Variants in PHF21B observed in about 807,000 individuals in gnomAD.
PHF21B encodes PHD finger protein 21B.
Under a neutral mutation model 62.2 loss-of-function variants are expected in PHF21B, and 22 were observed. That is an observed-to-expected ratio of 0.35 (90% CI 0.25 to 0.51). PHF21B has a LOEUF of 0.51. PHF21B is among the 20% of genes least tolerant of loss of function. The pLI, the probability that PHF21B is intolerant of heterozygous loss-of-function variation, is 0.97. For missense variants in PHF21B, 701 were observed against 707.9 expected (o/e 0.99, Z 0.11); for synonymous variants, 341 against 314.7 (o/e 1.08, Z -0.88).
chr22:44,944,748 C>T (rs1270553141), intron 2 of PHF21B, among the ~76,000 whole-genome samples: 1 of 152,222 alleles, frequency 6.6e-6, no homozygotes. Flanking sequence ...AACAAGCTGA[C>T]CGAGCTCCTG....
intron 2 of PHF21B, among the ~76,000 whole-genome samples, chr22:44,994,434 A>AG (rs2073088404): frequency 6.6e-6 from 1 of 152,344 alleles, no homozygotes; most frequent in African/African-American, 2.4e-5. Flanking sequence ...AGAAGCCGCC[A>AG]GGGGCTGGCA....
At chr22:44,951,761 G>A (rs998515305) in intron 2 of PHF21B, among the ~76,000 whole-genome samples, 1 of 152,020 alleles carries the variant, frequency 6.6e-6, no homozygotes, top group Admixed American at 6.6e-5. Context: ...TTTTTTTGGT[G>A]AGTCAGGCAC....
Position 44,962,623 on chromosome 22 carries a change from C to A in PHF21B, c.121-42133G>T, listed in dbSNP as rs149602585. ...AGTGAAACCATCATCAGTCAGGGAC[C>A]ATCTGTACACCACACATCCTACTGG... On this transcript the variant is annotated intron_variant, in intron 2 of 12. Coordinates refer to ENST00000313237, the MANE Select transcript of PHF21B (RefSeq NM_138415.5). Among the ~76,000 whole-genome samples the A allele has an allele frequency of 6.7e-3, 1,014 of 152,318 alleles. 18 individuals are homozygous for A. The highest frequency in any genetic ancestry group is 0.023 in the African/African-American group (951 of 41,568).
At chr22:44,975,759 T>C (rs1261397755) in intron 2 of PHF21B, among the ~76,000 whole-genome samples, 1 of 152,250 alleles carries the variant, frequency 6.6e-6, no homozygotes, top group African/African-American at 2.4e-5. Flanking sequence ...AGCAGGGCTC[T>C]TGGGGCCAGC....
chr22:44,927,829 C>T (rs747604381), intron 2 of PHF21B, among the ~76,000 whole-genome samples: 20 of 152,234 alleles, frequency 1.3e-4, no homozygotes, highest in Non-Finnish European at 2.5e-4. Flanking sequence ...AGTTTACAGC[C>T]GCACTTACTT....
At chr22:44,914,407 G>C (rs935034131) in intron 4 of PHF21B, among the ~76,000 whole-genome samples, 2 of 152,230 alleles carry the variant, frequency 1.3e-5, no homozygotes, top group Non-Finnish European at 2.9e-5. Flanking sequence ...CTGAGAGTCA[G>C]GTTGGTCATC....
chr22:45,005,863 C>A (rs185299708), intron 2 of PHF21B, among the ~76,000 whole-genome samples: 133 of 152,298 alleles, frequency 8.7e-4, no homozygotes, highest in Non-Finnish European at 1.7e-3. Flanking sequence ...AATAAACAAA[C>A]TGTGACACAC....
chr22:44,921,143 C>T (rs569269591), intron 2 of PHF21B, among the ~76,000 whole-genome samples: 2 of 152,294 alleles, frequency 1.3e-5, no homozygotes, highest in East Asian at 3.9e-4. Flanking sequence ...CCCCCAAATC[C>T]CAGCCCCCCA....
intron 2 of PHF21B, among the ~76,000 whole-genome samples, chr22:44,951,271 A>AT (rs2072188740): frequency 1.3e-5 from 2 of 152,170 alleles, no homozygotes; most frequent in African/African-American, 4.8e-5. Context: ...TTAGATTCTC[A>AT]TAAGGAGTGC....
At chr22:44,893,314 T>C in intron 7 of PHF21B, 143 bp downstream of exon 7, 3 of 676,892 alleles carry the variant, frequency 4.4e-6, no homozygotes, top group Non-Finnish European at 7.4e-6. Flanking sequence ...TGATTTACGG[T>C]CACCCCCCAG....
chr22:44,954,854 G>A (rs753325900), intron 2 of PHF21B, among the ~76,000 whole-genome samples: 8 of 152,188 alleles, frequency 5.3e-5, no homozygotes, highest in Admixed American at 6.5e-5. Context: ...CTCCGAAGTC[G>A]GGCTTTGAAG....
chr22:44,907,456 G>A (rs554444384), intron 5 of PHF21B, among the ~76,000 whole-genome samples: 68 of 152,348 alleles, frequency 4.5e-4, no homozygotes, highest in African/African-American at 1.5e-3. Context: ...TCAGCGTCCC[G>A]CACGTGCCTG....
chr22:45,000,708 C>T (rs1390091546), intron 2 of PHF21B: 1 of 152,068 alleles, frequency 6.6e-6, no homozygotes, highest in Non-Finnish European at 1.5e-5. Flanking sequence ...GCATAGTGGT[C>T]GTCAACCTTT....
chr22:44,989,954 T>A (rs2073017057), intron 2 of PHF21B, among the ~76,000 whole-genome samples: 1 of 152,138 alleles, frequency 6.6e-6, no homozygotes, highest in Admixed American at 6.6e-5. Context: ...CCAATGCAAA[T>A]CTCTAACAGG....
intron 5 of PHF21B, among the ~76,000 whole-genome samples, chr22:44,903,297 T>G (rs1202471101): frequency 1.3e-5 from 2 of 151,764 alleles, no homozygotes; most frequent in Non-Finnish European, 2.9e-5. Context: ...TGCCACTGAC[T>G]TTTTCTGCAG....
At chr22:44,958,693 C>T (rs1173001513) in intron 2 of PHF21B, among the ~76,000 whole-genome samples, 1 of 151,070 alleles carries the variant, frequency 6.6e-6, no homozygotes, top group Non-Finnish European at 1.5e-5. Flanking sequence ...GCAACCTCCG[C>T]CTCCTGGGTT....
At chr22:44,929,059 CCA>C (rs2071689854) in intron 2 of PHF21B, among the ~76,000 whole-genome samples, 3 of 152,248 alleles carry the variant, frequency 2.0e-5, no homozygotes, top group African/African-American at 7.2e-5. Flanking sequence ...ACGCGCACAG[CCA>C]CAGAGCACGG....
chr22:44,925,600 A>G (rs949899025), intron 2 of PHF21B, among the ~76,000 whole-genome samples: 4 of 152,170 alleles, frequency 2.6e-5, no homozygotes, highest in Admixed American at 2.0e-4. Context: ...AGAGCTTTTT[A>G]TGCAATGCGG....
chr22:44,994,910 C>T (rs540919866), intron 2 of PHF21B, among the ~76,000 whole-genome samples: 3 of 152,370 alleles, frequency 2.0e-5, no homozygotes, highest in African/African-American at 7.2e-5. Context: ...ATCAGCAGAC[C>T]TGCATGGCAG....
Sources: gnomAD v4.1 joint callset for allele counts (sites outside exome capture counted in the v4.1 genomes callset) on GRCh38, gnomAD v4.1.1 for gene constraint, MANE v1.5 for transcripts, NCBI Gene and HGNC (gene_info 2026-07-23, HGNC 2026-07-21) for gene names.